MEX3C: variants seen among roughly 807,000 people sequenced by gnomAD.
The protein encoded by MEX3C is mex-3 RNA binding family member C, also known as RNA-binding E3 ubiquitin-protein ligase MEX3C.
In MEX3C, 15 loss-of-function variants were observed where a neutral mutation model predicts 35.5. The observed-to-expected ratio is 0.42, with a 90% CI of 0.28 to 0.65. The LOEUF (loss-of-function observed/expected upper bound fraction) is 0.65. Ranked by LOEUF, MEX3C falls within the 30% of genes least tolerant of loss-of-function variation. The pLI, the probability that MEX3C is intolerant of heterozygous loss-of-function variation, is 0.20. For synonymous variants in MEX3C, 390 were observed against 352.8 expected (o/e 1.11, Z -1.18); for missense variants, 711 against 842.8 (o/e 0.84, Z 1.94).
At position 51,196,558 on chromosome 18, in the gene MEX3C, T is replaced by G; in HGVS notation, c.754+9A>C. The G allele has an allele frequency of 6.4e-7, 1 of 1,572,554 alleles. No homozygotes were observed. Among genetic ancestry groups the G allele is most frequent in the East Asian group, 2.3e-5 (1 of 42,594 alleles). ...ATGCCCAGCTGGACCTCCCCACCCCTGCACTCACCCTGGCGGCCGACGATC... is the reference window on the plus strand; with the variant it reads ...ATGCCCAGCTGGACCTCCCCACCCCGGCACTCACCCTGGCGGCCGACGATC... On this transcript the variant is annotated intron_variant, in intron 1 of 1. Transcript: ENST00000406189.
chr18:51,196,839 G>A lies in MEX3C; in HGVS notation c.482C>T (p.Ser161Phe), dbSNP rs1912808685. 1 of 1,536,600 alleles carries A rather than the reference G, an allele frequency of 6.5e-7. No individual in the cohort carries two copies. The highest frequency in any genetic ancestry group is 1.4e-5 in the African/African-American group (1 of 72,052). ...ASQTQQIPGGSLGSVLLPAAR... is the reference protein window; with the variant it reads ...ASQTQQIPGGFLGSVLLPAAR... ...GGCTGGCAGCAGCACAGACCCCAGG[G>A]ACCCGCCCGGGATCTGCTGGGTCTG... Residue 161 changes from serine to phenylalanine, a missense_variant, in exon 1 of 2, where the codon TCC (serine) becomes TTC (phenylalanine). Coordinates refer to ENST00000406189, the MANE Select transcript of MEX3C (RefSeq NM_016626.5).
In MEX3C at chr18:51,177,426, A is replaced by G. The variant is rs1912330763; in HGVS notation, c.905T>C (p.Met302Thr). 2 of 1,614,006 alleles carry G rather than the reference A, an allele frequency of 1.2e-6. No individual in the cohort carries two copies. Among genetic ancestry groups the G allele is most frequent in the Middle Eastern group, 3.3e-4 (2 of 6,062 alleles). ...ATTTTTGTTTCGAGATGCACGAATC[A>G]TGGAGAAGTGCTCTGCAGCTGAGAG... ...EILSAAEHFSMIRASRNKNGP... is the reference protein window; with the variant it reads ...EILSAAEHFSTIRASRNKNGP... Residue 302 changes from methionine to threonine, a missense_variant, in exon 2 of 2, where the codon ATG becomes ACG. Transcript: ENST00000406189. This position sits in a 1 kb window ranked among gnomAD's most constrained non-coding sequence, Gnocchi z 4.2.
chr18:51,196,404 A>T, intron 1 of MEX3C, 163 bp downstream of exon 1: 1 of 1,387,682 alleles, frequency 7.2e-7, no homozygotes, highest in Non-Finnish European at 9.4e-7. Context: ...TCGCAAGGTG[A>T]CCCATCTTCA....
intron 1 of MEX3C, among the ~76,000 whole-genome samples, chr18:51,188,510 A>T (rs1912586142): frequency 6.6e-6 from 1 of 151,930 alleles, no homozygotes; most frequent in Non-Finnish European, 1.5e-5. Context: ...GCTACTGGGG[A>T]TCACTTGAGC....
chr18:51,195,397 T>C (rs1912755379), intron 1 of MEX3C: 1 of 152,242 alleles, frequency 6.6e-6, no homozygotes. Flanking sequence ...GATGAGTTTT[T>C]ATTAAAATCC....
intron 1 of MEX3C, among the ~76,000 whole-genome samples, chr18:51,188,708 A>G (rs536403618): frequency 3.9e-5 from 6 of 152,232 alleles, no homozygotes; most frequent in Non-Finnish European, 5.9e-5. Context: ...TGGCAAGTTT[A>G]TAAGAAAAAA....
intron 1 of MEX3C, among the ~76,000 whole-genome samples, chr18:51,192,520 CTG>C (rs1240725903): frequency 6.6e-6 from 1 of 152,272 alleles, no homozygotes; most frequent in South Asian, 2.1e-4. Flanking sequence ...ACAATTAAAA[CTG>C]TGCCTTGTGG....
chr18:51,194,765 A>ATT (rs912986578), intron 1 of MEX3C: 1 of 152,188 alleles, frequency 6.6e-6, no homozygotes, highest in African/African-American at 2.4e-5. Context: ...GCTTCTTCAC[A>ATT]TTCTGGTGTG....
At chr18:51,182,354 A>C (rs2144550945) in intron 1 of MEX3C, among the ~76,000 whole-genome samples, 1 of 152,306 alleles carries the variant, frequency 6.6e-6, no homozygotes, top group African/African-American at 2.4e-5. Flanking sequence ...AGTTGAACAA[A>C]GTTTTGAAAT....
chr18:51,186,649 A>G (rs1029173680), intron 1 of MEX3C, among the ~76,000 whole-genome samples: 3 of 152,224 alleles, frequency 2.0e-5, no homozygotes, highest in African/African-American at 7.2e-5. Context: ...TGGGTGCATA[A>G]AAGATGCAAA....
At chr18:51,182,622 G>C (rs1392554549) in intron 1 of MEX3C, among the ~76,000 whole-genome samples, 2 of 152,162 alleles carry the variant, frequency 1.3e-5, no homozygotes, top group Non-Finnish European at 2.9e-5. Flanking sequence ...GCTGCAGCTA[G>C]AACTCTGGTC....
At position 51,196,987 on chromosome 18, in the gene MEX3C, C is replaced by T. The variant is rs774839962; in HGVS notation, c.334G>A (p.Glu112Lys). The T allele has an allele frequency of 2.2e-5, 34 of 1,536,370 alleles. No individual in the cohort carries two copies. In the South Asian group the frequency reaches 3.6e-4, roughly 16 times the overall value. ...AGCTCCGCTTCCTCCCCCTCCTCCT[C>T]GTCCTCTTCCAGCTCCAGCTCGGCC... is the stretch of plus-strand genomic sequence containing the variant. ...EAAELELEED[E>K]EEGEEAELDG... Residue 112 changes from glutamate to lysine, a missense_variant, in exon 1 of 2, where the codon GAG (glutamate) becomes AAG (lysine). Physicochemically the swap from Glu to Lys is moderately conservative, Grantham distance 56. This residue lies in a region of MEX3C where 354 missense variants were observed against 311.6 expected (regional missense o/e 1.14). Coordinates refer to ENST00000406189, the MANE Select transcript of MEX3C (RefSeq NM_016626.5).
Position 51,177,526 on chromosome 18 carries a change from G to C in MEX3C, c.805C>G (p.Pro269Ala). Reference sequence around the variant, plus strand: ...AAAATGGGCTCTTCACCACGAACAGGAGTCTTGATATACGTGTTTGTCTTG... The same window carrying C: ...AAAATGGGCTCTTCACCACGAACAGCAGTCTTGATATACGTGTTTGTCTTG... ...RAKTNTYIKT[P>A]VRGEEPIFVV... Residue 269 changes from proline (P) to alanine (A), a missense_variant, in exon 2 of 2, where the codon CCT (proline) becomes GCT (alanine). Pro to Ala is a conservative substitution (Grantham distance 27). Around this residue, in one of 4 missense-constraint regions of MEX3C, gnomAD observed 83 missense variants for 179.1 expected, o/e 0.46. Transcript: ENST00000406189. The surrounding 1 kb of genome is among the most constrained non-coding windows in gnomAD (Gnocchi z 4.2). 1 of 1,613,868 alleles carries C rather than the reference G, an allele frequency of 6.2e-7. No homozygotes were observed. Among genetic ancestry groups the C allele is most frequent in the South Asian group, 1.1e-5 (1 of 91,052 alleles).
chr18:51,184,850 C>A (rs979271715), intron 1 of MEX3C, among the ~76,000 whole-genome samples: 14 of 147,210 alleles, frequency 9.5e-5, no homozygotes, highest in African/African-American at 2.9e-4. Context: ...CAGAGTGAGA[C>A]CCTGACCCAA....
chr18:51,191,324 T>C (rs961673374), intron 1 of MEX3C, among the ~76,000 whole-genome samples: 5 of 152,182 alleles, frequency 3.3e-5, no homozygotes, highest in Non-Finnish European at 7.4e-5. Flanking sequence ...TTAAGACCAG[T>C]ATGTGCTATG....
In MEX3C at chr18:51,175,203, A is replaced by G. The variant is rs1450686952; in HGVS notation, c.*1148T>C. 3.3e-5 allele frequency: 5 copies of G among 152,658 alleles called. No individual in the cohort carries two copies. The highest frequency in any genetic ancestry group is 7.2e-5 in the African/African-American group (3 of 41,462). The allele number at this position is 152,658 out of a possible 1,614,324, so 9.5% of individuals were successfully genotyped here. A position where few individuals can be genotyped will look rare whatever the true frequency, so the allele number is the denominator to read the frequency against. On this transcript the variant is annotated 3_prime_UTR_variant, in exon 2 of 2. Coordinates refer to ENST00000406189, the MANE Select transcript of MEX3C (RefSeq NM_016626.5). ...TGTTGGGAAAATAATGCTTCAAAAA[A>G]TAATTAGTAGAAAAACCCACTAGTA...
chr18:51,178,978 A>C (rs544696495), intron 1 of MEX3C, among the ~76,000 whole-genome samples: 1 of 151,190 alleles, frequency 6.6e-6, no homozygotes, highest in East Asian at 1.9e-4. Flanking sequence ...CAATAAATTA[A>C]TATTCCTATA....
chr18:51,176,321 G>C lies in MEX3C; in HGVS notation c.*30C>G. ...ACCCATGCCTTTACGAGTCCATATAGAGATATAGTATTTATGTATATATAT... is the reference window on the plus strand; with the variant it reads ...ACCCATGCCTTTACGAGTCCATATACAGATATAGTATTTATGTATATATAT... On this transcript the variant is annotated 3_prime_UTR_variant, in exon 2 of 2. Coordinates refer to ENST00000406189, the MANE Select transcript of MEX3C (RefSeq NM_016626.5). The C allele has an allele frequency of 6.5e-7, 1 of 1,548,094 alleles. No homozygotes were observed. The highest frequency in any genetic ancestry group is 1.2e-5 in the South Asian group (1 of 81,146).
chr18:51,174,807 AG>A lies in MEX3C; in HGVS notation c.*1543del, dbSNP rs1298850424. 3 of 152,666 alleles carry A rather than the reference AG, an allele frequency of 2.0e-5. No homozygotes were observed. Among genetic ancestry groups the A allele is most frequent in the African/African-American group, 7.2e-5 (3 of 41,474 alleles). 9.5% of individuals were successfully genotyped at this position (152,666 alleles called of 1,614,324 possible). ...ACTATATTGATAATTTATCATTCTT[AG>A]TTTGTGGTTTTTAGAAACAGTACAC... On this transcript the variant is annotated 3_prime_UTR_variant, in exon 2 of 2. Transcript: ENST00000406189.
Sources: gnomAD v4.1 joint callset for allele counts (sites outside exome capture counted in the v4.1 genomes callset) on GRCh38, gnomAD v4.1.1 for gene constraint, gnomAD v4.1.1 regional missense constraint, Gnocchi (gnomAD v3.1) non-coding constraint, MANE v1.5 for transcripts, NCBI Gene and HGNC (gene_info 2026-07-23, HGNC 2026-07-21) for gene names.